The following PSEN1 variants were observed in gnomAD, a reference collection of about 807,000 sequenced individuals.
PSEN1 encodes presenilin 1.
PSEN1 carries 15 observed loss-of-function variants against 53.5 expected under a neutral mutation model. The observed-to-expected ratio is 0.28, with a 90% CI of 0.19 to 0.43. PSEN1 has a LOEUF of 0.43. Ranked by LOEUF, PSEN1 falls within the 20% of genes least tolerant of loss-of-function variation. The probability of loss-of-function intolerance (pLI) is 1.00; values close to 1 mark genes in which losing one functional copy is unlikely to be tolerated. For missense variants in PSEN1, 387 were observed against 571.2 expected, an observed-to-expected ratio of 0.68 and a Z score of 3.29; for synonymous variants, 208 against 209.8, an observed-to-expected ratio of 0.99 and a Z score of 0.08.
At chr14:73,202,954 TAGG>T (rs1241978992) in intron 8 of PSEN1, among the ~76,000 whole-genome samples, 4 of 152,130 alleles carry the variant, frequency 2.6e-5, no homozygotes, top group African/African-American at 7.2e-5. Context: ...TGTGGGAAAA[TAGG>T]AGTATAAACC....
At chr14:73,183,844 G>C (rs1161187019) in intron 5 of PSEN1, among the ~76,000 whole-genome samples, 2 of 150,976 alleles carry the variant, frequency 1.3e-5, no homozygotes, top group African/African-American at 4.9e-5. Context: ...TGGCCGGGCA[G>C]AGGGGCTCCT....
intron 11 of PSEN1, among the ~76,000 whole-genome samples, chr14:73,218,228 A>T (rs1900003158): frequency 6.6e-6 from 1 of 151,194 alleles, no homozygotes; most frequent in African/African-American, 2.4e-5. Context: ...CTGGAATTAC[A>T]TGTGTGCACC....
rs1372489927 is a variant in PSEN1 at position 73,221,246 on chromosome 14, T to A, written c.*1957T>A. ...AATTCATTTTTTTCCATGAAATCCCTTCTTCCAAGATTCATTCCCTCTCTC... is the reference window on the plus strand; with the variant it reads ...AATTCATTTTTTTCCATGAAATCCCATCTTCCAAGATTCATTCCCTCTCTC... On this transcript the variant is annotated 3_prime_UTR_variant, in exon 12 of 12. Coordinates refer to ENST00000324501, the MANE Select transcript of PSEN1 (RefSeq NM_000021.4). 1 of 152,192 alleles carries A rather than the reference T, an allele frequency of 6.6e-6. No homozygotes were observed. Among genetic ancestry groups the A allele is most frequent in the Non-Finnish European group, 1.5e-5 (1 of 68,034 alleles). 9.4% of individuals were successfully genotyped at this position (152,192 alleles called of 1,614,324 possible). A position where few individuals can be genotyped will look rare whatever the true frequency, so the allele number is the denominator to read the frequency against.
intron 10 of PSEN1, among the ~76,000 whole-genome samples, chr14:73,215,364 A>G (rs1350623138): frequency 6.6e-6 from 1 of 151,592 alleles, no homozygotes; most frequent in Non-Finnish European, 1.5e-5. Flanking sequence ...TTGGTGGATC[A>G]CCTGAGGTTT....
At chr14:73,158,282 T>TTCTATCTATCTA (rs56240305) in intron 3 of PSEN1, among the ~76,000 whole-genome samples, 2,097 of 141,542 alleles carry the variant, frequency 0.015, 20 homozygotes, top group South Asian at 0.02. Context: ...TAACTTTTTT[T>TTCTATCTATCTA]TCTATCTATC....
At chr14:73,173,460 G>A in intron 4 of PSEN1, 106 bp from the exon 5 acceptor site, 1 of 1,150,182 alleles carries the variant, frequency 8.7e-7, no homozygotes, top group Non-Finnish European at 1.3e-6. Context: ...TGACTTATAA[G>A]ATACGAATTG....
rs1286709482 is a variant in PSEN1, at chr14:73,173,509, G to C, written c.339-57G>C. ...AAAATTCTGTGTTGGAGGTGGTAAT[G>C]TGGTTGGTGATCTCCATTAACACTG... On this transcript the variant is annotated intron_variant, in intron 4 of 11. Transcript: ENST00000324501. The C allele has an allele frequency of 1.9e-6, 3 of 1,546,688 alleles. No individual in the cohort carries two copies. In the African/African-American group the frequency reaches 4.1e-5, roughly 21 times the overall value.
intron 5 of PSEN1, among the ~76,000 whole-genome samples, chr14:73,184,521 AC>A (rs1273583695): frequency 9.1e-6 from 1 of 109,492 alleles, no homozygotes; most frequent in African/African-American, 3.7e-5. Flanking sequence ...CGGGGGGCTG[AC>A]CCCCCCACCT....
At chr14:73,207,652 G>T (rs61986901) in intron 9 of PSEN1, among the ~76,000 whole-genome samples, 13,815 of 152,272 alleles carry the variant, frequency 0.091, 714 homozygotes, top group African/African-American at 0.13. Flanking sequence ...CTTAGGGTGT[G>T]ACTTTGCTAG....
chr14:73,182,107 C>T (rs1487964170), intron 5 of PSEN1, among the ~76,000 whole-genome samples: 7 of 152,124 alleles, frequency 4.6e-5, no homozygotes, highest in Non-Finnish European at 1.0e-4. Flanking sequence ...TTTTGGTTGT[C>T]ACTGGCCTTT....
chr14:73,182,665 G>A (rs1898256497), intron 5 of PSEN1, among the ~76,000 whole-genome samples: 1 of 152,048 alleles, frequency 6.6e-6, no homozygotes, highest in Non-Finnish European at 1.5e-5. Context: ...CCAACATGGT[G>A]AAACTTCATC....
At chr14:73,143,377 T>G (rs1399491767) in intron 1 of PSEN1, among the ~76,000 whole-genome samples, 1 of 152,168 alleles carries the variant, frequency 6.6e-6, no homozygotes, top group African/African-American at 2.4e-5. Flanking sequence ...GGAAAAGACT[T>G]GGGCTGGGCA....
intron 9 of PSEN1, chr14:73,208,715 A>G: frequency 5.1e-6 from 2 of 394,416 alleles, no homozygotes; most frequent in South Asian, 1.9e-5. Context: ...CAGAAAATGC[A>G]CCATAAGTTC....
At chr14:73,187,997 C>T (rs948958609) in intron 6 of PSEN1, among the ~76,000 whole-genome samples, 47 of 151,912 alleles carry the variant, frequency 3.1e-4, no homozygotes, top group African/African-American at 1.1e-3. Context: ...GGCATGATCT[C>T]GGCTCACTGC....
chr14:73,167,753 T>TG (rs1897759612), intron 3 of PSEN1: 1 of 151,436 alleles, frequency 6.6e-6, no homozygotes, highest in African/African-American at 2.4e-5. Flanking sequence ...TTTTTTTTTT[T>TG]GTCTTCATTT....
At chr14:73,212,204 G>A (rs532339312) in intron 10 of PSEN1, among the ~76,000 whole-genome samples, 8 of 136,122 alleles carry the variant, frequency 5.9e-5, no homozygotes, top group African/African-American at 2.2e-4. Context: ...TCCACCTCCC[G>A]GGTTCAAGTG....
At chr14:73,186,494 G>T (rs1311430619) in intron 5 of PSEN1, among the ~76,000 whole-genome samples, 4 of 152,054 alleles carry the variant, frequency 2.6e-5, no homozygotes, top group Non-Finnish European at 4.4e-5. Context: ...AGAGAGATGT[G>T]GGCCGGGCAT....
At chr14:73,176,985 C>T (rs1186839014) in intron 5 of PSEN1, among the ~76,000 whole-genome samples, 2 of 152,008 alleles carry the variant, frequency 1.3e-5, no homozygotes, top group East Asian at 1.9e-4. Context: ...TTCCTTTGGT[C>T]GTATCTGCTG....
intron 7 of PSEN1, among the ~76,000 whole-genome samples, chr14:73,194,566 CTTTTTTT>C (rs34315326): frequency 7.8e-6 from 1 of 128,774 alleles, no homozygotes; most frequent in Non-Finnish European, 1.6e-5. Flanking sequence ...TGGCCATACA[CTTTTTTT>C]TTTTTTTTTT....
Sources: gnomAD v4.1 joint callset for allele counts (sites outside exome capture counted in the v4.1 genomes callset) on GRCh38, gnomAD v4.1.1 for gene constraint, MANE v1.5 for transcripts, NCBI Gene and HGNC (gene_info 2026-07-23, HGNC 2026-07-21) for gene names.